The following SLC35D4 variants were observed in gnomAD, a reference collection of about 807,000 sequenced individuals.
SLC35D4 encodes the protein UDP-N-acetylglucosamine transporter SLC35D4.
the SLC35D4 span, among the ~76,000 whole-genome samples, chr18:23,361,561 C>A: frequency 1 from 151,725 of 152,222 alleles, 75,618 homozygotes; most frequent in Non-Finnish European, 1. Context: ...CTGCAATGAC[C>A]CCACCTCAGC....
chr18:23,359,122 G>C, the SLC35D4 span, among the ~76,000 whole-genome samples: 2 of 152,174 alleles, frequency 1.3e-5, no homozygotes, highest in Non-Finnish European at 2.9e-5. Context: ...CGCGGTGGCT[G>C]ACGCCTGTAA....
At chr18:23,342,563 A>G in the SLC35D4 span, among the ~76,000 whole-genome samples, 1 of 152,144 alleles carries the variant, frequency 6.6e-6, no homozygotes, top group East Asian at 1.9e-4. Context: ...TTGTGGCCAT[A>G]TACTTTCATT....
chr18:23,282,486 T>G, the SLC35D4 span, among the ~76,000 whole-genome samples: 1 of 152,194 alleles, frequency 6.6e-6, no homozygotes, highest in African/African-American at 2.4e-5. Context: ...GTTTCCAGAA[T>G]AGAGGGAGCC....
At chr18:23,247,013 A>G in the SLC35D4 span, among the ~76,000 whole-genome samples, 1 of 152,222 alleles carries the variant, frequency 6.6e-6, no homozygotes, top group African/African-American at 2.4e-5. Context: ...TATAATTCAT[A>G]CAATTCAAAC....
the SLC35D4 span, among the ~76,000 whole-genome samples, chr18:23,303,940 G>A: frequency 2.7e-5 from 4 of 150,790 alleles, no homozygotes; most frequent in Non-Finnish European, 5.9e-5. Context: ...GCTAGTCTGG[G>A]AGTGGTGGCT....
At chr18:23,352,306 T>C in the SLC35D4 span, 1 of 1,596,260 alleles carries the variant, frequency 6.3e-7, no homozygotes, top group South Asian at 1.1e-5. Context: ...GGAGAAAAGA[T>C]TCTCTTGTTA....
At chr18:23,313,126 C>CA in the SLC35D4 span, among the ~76,000 whole-genome samples, 706 of 29,474 alleles carry the variant, frequency 0.024, 131 homozygotes, top group Non-Finnish European at 0.027. Flanking sequence ...GACTACATCT[C>CA]AAAAAAAAAA....
At chr18:23,282,815 T>C in the SLC35D4 span, among the ~76,000 whole-genome samples, 2 of 152,194 alleles carry the variant, frequency 1.3e-5, no homozygotes, top group Non-Finnish European at 2.9e-5. Flanking sequence ...TGTCCTGCCC[T>C]GTCAGGGGCT....
At chr18:23,386,722 C>CAAAA in the SLC35D4 span, among the ~76,000 whole-genome samples, 2 of 108,442 alleles carry the variant, frequency 1.8e-5, no homozygotes, top group Admixed American at 2.0e-4. Context: ...AAACTCTCAC[C>CAAAA]AAAAAAAAAA....
At chr18:23,332,212 T>A in the SLC35D4 span, among the ~76,000 whole-genome samples, 609 of 151,888 alleles carry the variant, frequency 4.0e-3, 4 homozygotes, top group African/African-American at 0.011. Flanking sequence ...TGTATTTTTT[T>A]TAAAAAAATA....
the SLC35D4 span, among the ~76,000 whole-genome samples, chr18:23,435,582 C>T: frequency 1.3e-5 from 2 of 152,244 alleles, no homozygotes; most frequent in Non-Finnish European, 2.9e-5. Context: ...TTAAAAGTTA[C>T]TAATTACTGT....
At chr18:23,362,655 G>A in the SLC35D4 span, among the ~76,000 whole-genome samples, 4 of 152,146 alleles carry the variant, frequency 2.6e-5, no homozygotes, top group African/African-American at 9.6e-5. Flanking sequence ...TAAAGTGTAG[G>A]ATCACTGAAA....
At chr18:23,360,011 G>A in the SLC35D4 span, among the ~76,000 whole-genome samples, 1 of 152,208 alleles carries the variant, frequency 6.6e-6, no homozygotes, top group Non-Finnish European at 1.5e-5. Context: ...ACCGCTGCCA[G>A]CGCACTCCAA....
chr18:23,387,066 C>T, the SLC35D4 span, among the ~76,000 whole-genome samples: 4 of 152,176 alleles, frequency 2.6e-5, no homozygotes, highest in Non-Finnish European at 5.9e-5. Context: ...CCTGCAACCA[C>T]GCCCGGTTAA....
chr18:23,350,886 T>A, the SLC35D4 span, among the ~76,000 whole-genome samples: 1 of 152,220 alleles, frequency 6.6e-6, no homozygotes, highest in Non-Finnish European at 1.5e-5. Flanking sequence ...GTTCTGTTCC[T>A]ACCCAAAGGT....
the SLC35D4 span, among the ~76,000 whole-genome samples, chr18:23,333,675 G>A: frequency 3.9e-5 from 6 of 152,318 alleles, no homozygotes; most frequent in East Asian, 9.6e-4. Flanking sequence ...GAAAAAATAC[G>A]TTTTCACAGA....
chr18:23,411,509 G>GAA, the SLC35D4 span, among the ~76,000 whole-genome samples: 144 of 149,582 alleles, frequency 9.6e-4, 2 homozygotes, highest in Non-Finnish European at 1.6e-3. Flanking sequence ...AAGAAAGAAA[G>GAA]AAAGAAAGAA....
the SLC35D4 span, among the ~76,000 whole-genome samples, chr18:23,400,725 T>C: frequency 6.6e-6 from 1 of 152,220 alleles, no homozygotes; most frequent in Non-Finnish European, 1.5e-5. Context: ...CAGCAGGATA[T>C]AACATAATAA....
chr18:23,243,590 A>T, the SLC35D4 span, among the ~76,000 whole-genome samples: 1 of 150,986 alleles, frequency 6.6e-6, no homozygotes, highest in Non-Finnish European at 1.5e-5. Flanking sequence ...CATAAAACTA[A>T]CACAGGCCTC....
Sources: gnomAD v4.1 joint callset for allele counts (sites outside exome capture counted in the v4.1 genomes callset) on GRCh38, gnomAD v4.1.1 for gene constraint, MANE v1.5 for transcripts, NCBI Gene and HGNC (gene_info 2026-07-23, HGNC 2026-07-21) for gene names.